RAD51: variants seen among roughly 807,000 people sequenced by gnomAD.
RAD51 encodes the protein DNA repair protein RAD51 homolog 1.
In RAD51, 14 loss-of-function variants were observed where a neutral mutation model predicts 41.5. That is an observed-to-expected ratio of 0.34 (90% CI 0.22 to 0.53). RAD51 has a LOEUF of 0.53. Ranked by LOEUF, RAD51 falls within the 20% of genes least tolerant of loss-of-function variation. The pLI, the probability that RAD51 is intolerant of heterozygous loss-of-function variation, is 0.95. For synonymous variants in RAD51, 136 were observed against 148.6 expected (o/e 0.92, Z 0.62); for missense variants, 234 against 422.0 (o/e 0.55, Z 3.90).
At chr15:40,718,578 C>A (rs914716373) in intron 5 of RAD51, among the ~76,000 whole-genome samples, 5 of 151,928 alleles carry the variant, frequency 3.3e-5, no homozygotes, top group African/African-American at 9.7e-5. Context: ...TCTAAGCAGT[C>A]CAGTTCTGAC....
chr15:40,700,073 C>G (rs989859971), intron 2 of RAD51, among the ~76,000 whole-genome samples: 1 of 152,156 alleles, frequency 6.6e-6, no homozygotes, highest in African/African-American at 2.4e-5. Flanking sequence ...CATCCTTATA[C>G]TCAAACATGC....
At chr15:40,712,895 T>TTTC (rs1373672636) in intron 5 of RAD51, among the ~76,000 whole-genome samples, 1 of 148,394 alleles carries the variant, frequency 6.7e-6, no homozygotes, top group African/African-American at 2.5e-5. Context: ...TTTTTTTTTT[T>TTTC]TGAGAAAGAG....
chr15:40,729,070 T>G (rs544965210), intron 7 of RAD51, among the ~76,000 whole-genome samples: 1 of 152,170 alleles, frequency 6.6e-6, no homozygotes, highest in African/African-American at 2.4e-5. Flanking sequence ...TGCAAATATT[T>G]TAATAAAACA....
At chr15:40,705,896 G>A (rs1595986586) in intron 3 of RAD51, among the ~76,000 whole-genome samples, 1 of 152,258 alleles carries the variant, frequency 6.6e-6, no homozygotes, top group East Asian at 1.9e-4. Flanking sequence ...GTGAGCCATC[G>A]CACCCGGCCG....
intron 3 of RAD51, among the ~76,000 whole-genome samples, chr15:40,703,324 T>C (rs1395785885): frequency 6.6e-6 from 1 of 152,070 alleles, no homozygotes; most frequent in Non-Finnish European, 1.5e-5. Flanking sequence ...AATCCGCCCA[T>C]CTCAGTATCC....
At position 40,731,911 on chromosome 15, in the gene RAD51, C is replaced by T. The variant is rs994103976; in HGVS notation, c.*733C>T. Reference sequence around the variant, plus strand: ...CTTGGCCAAGGTGGTGAAATCCCATCTCTACAAAAAATGCAGAACTTAATC... The same window carrying T: ...CTTGGCCAAGGTGGTGAAATCCCATTTCTACAAAAAATGCAGAACTTAATC... On this transcript the variant is annotated 3_prime_UTR_variant, in exon 10 of 10. Transcript: ENST00000267868. 2.4e-5 allele frequency: 5 copies of T among 210,044 alleles called. No individual in the cohort carries two copies. The highest frequency in any genetic ancestry group is 5.9e-5 in the Admixed American group (1 of 16,956). The allele number at this position is 210,044 out of a possible 1,614,324, so 13.0% of individuals were successfully genotyped here.
chr15:40,710,396 G>C (rs1306706982), intron 5 of RAD51, among the ~76,000 whole-genome samples: 1 of 150,818 alleles, frequency 6.6e-6, no homozygotes, highest in Non-Finnish European at 1.5e-5. Flanking sequence ...CAGTTACTTG[G>C]GAGACTGAGG....
At chr15:40,726,605 C>T (rs574242059) in intron 6 of RAD51, among the ~76,000 whole-genome samples, 5 of 151,124 alleles carry the variant, frequency 3.3e-5, no homozygotes, top group African/African-American at 1.2e-4. Flanking sequence ...TAAGGAAGTT[C>T]AAGAAACACT....
At chr15:40,717,650 A>G (rs957581773) in intron 5 of RAD51, among the ~76,000 whole-genome samples, 6 of 151,708 alleles carry the variant, frequency 4.0e-5, no homozygotes, top group Non-Finnish European at 5.9e-5. Flanking sequence ...GTTTTCTCCA[A>G]TTGTTCATTT....
At chr15:40,723,754 C>T (rs1349619449) in intron 6 of RAD51, among the ~76,000 whole-genome samples, 3 of 152,182 alleles carry the variant, frequency 2.0e-5, no homozygotes, top group Non-Finnish European at 4.4e-5. Context: ...TACAACTCTG[C>T]AAATTCACTA....
chr15:40,730,529 T>TTTTTC (rs1896824003), intron 9 of RAD51, among the ~76,000 whole-genome samples: 1 of 135,890 alleles, frequency 7.4e-6, no homozygotes, highest in Admixed American at 7.6e-5. Flanking sequence ...TCTTTTTTTT[T>TTTTTC]TTTTTTTTTT....
chr15:40,717,100 G>A (rs770356728), intron 5 of RAD51, among the ~76,000 whole-genome samples: 10 of 152,038 alleles, frequency 6.6e-5, no homozygotes, highest in Non-Finnish European at 1.3e-4. Context: ...CACTTTGGGA[G>A]GCCAAGGTGG....
chr15:40,731,528 G>C lies in RAD51; in HGVS notation c.*350G>C. On this transcript the variant is annotated 3_prime_UTR_variant, in exon 10 of 10. Transcript: ENST00000267868. ...TTTCCAAGAGAACTAAAGCTGGAGA[G>C]ACCTGACCCTTCTCTCACTTCTAAA... is the stretch of plus-strand genomic sequence containing the variant. The C allele has an allele frequency of 2.8e-6, 1 of 354,248 alleles. No individual in the cohort carries two copies. The highest frequency in any genetic ancestry group is 5.2e-6 in the Non-Finnish European group (1 of 190,736). 21.9% of individuals were successfully genotyped at this position (354,248 alleles called of 1,614,324 possible).
intron 9 of RAD51, among the ~76,000 whole-genome samples, chr15:40,730,683 G>C (rs994059955): frequency 3.3e-5 from 5 of 151,216 alleles, no homozygotes; most frequent in African/African-American, 1.2e-4. Context: ...CACCACACCT[G>C]GCTAATTTTT....
chr15:40,713,004 G>A (rs1227590530), intron 5 of RAD51, among the ~76,000 whole-genome samples: 10 of 145,010 alleles, frequency 6.9e-5, no homozygotes, highest in African/African-American at 1.8e-4. Context: ...TCAGCCTCCC[G>A]AATAGCTGGG....
At chr15:40,724,532 G>T (rs966424543) in intron 6 of RAD51, among the ~76,000 whole-genome samples, 4 of 151,860 alleles carry the variant, frequency 2.6e-5, no homozygotes, top group African/African-American at 7.3e-5. Context: ...TTAGAGACGG[G>T]TCTCACTCTG....
intron 6 of RAD51, among the ~76,000 whole-genome samples, chr15:40,727,132 T>C (rs11343913): frequency 0.27 from 40,517 of 151,480 alleles, 6,420 homozygotes; most frequent in Middle Eastern, 0.35. Context: ...AATTTTTTTT[T>C]AATTTTATAA....
At chr15:40,711,714 A>G (rs1895712820) in intron 5 of RAD51, among the ~76,000 whole-genome samples, 1 of 152,210 alleles carries the variant, frequency 6.6e-6, no homozygotes. Flanking sequence ...GGAAAAGACA[A>G]TAAATAAGCA....
At chr15:40,698,962 CT>C (rs1422279324) in intron 2 of RAD51, 117 bp downstream of exon 2, 40 of 1,002,378 alleles carry the variant, frequency 4.0e-5, no homozygotes, top group Non-Finnish European at 1.2e-5. Flanking sequence ...CCAAATTAGA[CT>C]TTTCAGAAGT....
Sources: allele counts gnomAD v4.1 joint callset (sites outside exome capture counted in the v4.1 genomes callset), GRCh38; gene constraint gnomAD v4.1.1; transcripts MANE v1.5; gene names NCBI Gene and HGNC (gene_info 2026-07-23, HGNC 2026-07-21).